The following CNTN6 variants were observed in gnomAD, a reference collection of about 807,000 sequenced individuals.
CNTN6 encodes contactin-6.
A neutral mutation model predicts 122.8 loss-of-function variants in CNTN6; 137 were observed. That is an observed-to-expected ratio of 1.12 (90% CI 0.97 to 1.29). The LOEUF (loss-of-function observed/expected upper bound fraction) is 1.29. CNTN6 is among the 50% of genes most tolerant of loss of function. CNTN6 has a pLI of 0.00. For synonymous variants in CNTN6, 570 were observed against 426.0 expected (o/e 1.34, Z -4.16); for missense variants, 1,634 against 1,223.4 (o/e 1.34, Z -5.01).
chr3:1,253,727 G>A (rs938682636), intron 4 of CNTN6, among the ~76,000 whole-genome samples: 45 of 152,172 alleles, frequency 3.0e-4, no homozygotes, highest in African/African-American at 1.0e-3. Flanking sequence ...ATCTAACACC[G>A]CTGTTGATCT....
At chr3:1,334,149 G>T (rs752180125) in intron 11 of CNTN6, among the ~76,000 whole-genome samples, 20 of 152,232 alleles carry the variant, frequency 1.3e-4, no homozygotes, top group Non-Finnish European at 2.2e-4. Context: ...TACAGAGTCC[G>T]AAGACTGCCT....
At chr3:1,188,650 A>G (rs1256190114) in intron 2 of CNTN6, among the ~76,000 whole-genome samples, 1 of 152,194 alleles carries the variant, frequency 6.6e-6, no homozygotes, top group Non-Finnish European at 1.5e-5. Context: ...AATAATTAAC[A>G]CTGTAATATC....
At chr3:1,121,129 A>G (rs1261444949) in intron 1 of CNTN6, among the ~76,000 whole-genome samples, 2 of 152,080 alleles carry the variant, frequency 1.3e-5, no homozygotes, top group African/African-American at 4.8e-5. Flanking sequence ...GTGTGCAGTT[A>G]CTGGCCTCTT....
At chr3:1,323,375 T>A (rs1379795926) in intron 8 of CNTN6, among the ~76,000 whole-genome samples, 4 of 151,756 alleles carry the variant, frequency 2.6e-5, no homozygotes, top group Non-Finnish European at 5.9e-5. Flanking sequence ...TTGTACTATA[T>A]CTCACCACAA....
intron 4 of CNTN6, among the ~76,000 whole-genome samples, chr3:1,231,142 A>G (rs1301028559): frequency 5.9e-5 from 9 of 152,154 alleles, no homozygotes; most frequent in Non-Finnish European, 1.2e-4. Context: ...AATAAATCAT[A>G]TGCACTTGAA....
intron 2 of CNTN6, among the ~76,000 whole-genome samples, chr3:1,217,411 T>C (rs1026577953): frequency 2.0e-5 from 3 of 152,218 alleles, no homozygotes; most frequent in Admixed American, 2.0e-4. Context: ...TGCATTGCAC[T>C]GGAGGGGAGA....
intron 1 of CNTN6, 130 bp downstream of exon 1, chr3:1,093,250 G>A (rs1427817550): frequency 5.6e-6 from 1 of 177,120 alleles, no homozygotes; most frequent in African/African-American, 2.4e-5. Flanking sequence ...TGGGGGAGAA[G>A]TCACTGCTTT....
rs1696044367 is a variant in CNTN6, at chr3:1,404,062, A to G, written c.*644A>G. ...AATGATGGGAAATGAGCACCCACCT[A>G]AAATAATCTTCTAACAACTCTGGTA... On this transcript the variant is annotated 3_prime_UTR_variant, in exon 23 of 23. Transcript: ENST00000446702. 1 of 152,138 alleles carries G rather than the reference A, an allele frequency of 6.6e-6. No individual in the cohort carries two copies. Among genetic ancestry groups the G allele is most frequent in the African/African-American group, 2.4e-5 (1 of 41,450 alleles). 9.4% of individuals were successfully genotyped at this position (152,138 alleles called of 1,614,324 possible). A position where few individuals can be genotyped will look rare whatever the true frequency, so the allele number is the denominator to read the frequency against.
chr3:1,328,032 G>A (rs547539165), intron 10 of CNTN6, among the ~76,000 whole-genome samples: 21 of 151,914 alleles, frequency 1.4e-4, no homozygotes, highest in Admixed American at 1.1e-3. Context: ...CTTCCCTTCA[G>A]CATCAAAGCC....
chr3:1,396,437 G>C (rs1694994508), intron 20 of CNTN6, among the ~76,000 whole-genome samples: 1 of 152,188 alleles, frequency 6.6e-6, no homozygotes, highest in African/African-American at 2.4e-5. Context: ...AGAGAGAATT[G>C]TGGATATGGA....
chr3:1,255,318 A>G (rs1033998688), intron 4 of CNTN6, among the ~76,000 whole-genome samples: 1 of 152,058 alleles, frequency 6.6e-6, no homozygotes, highest in South Asian at 2.1e-4. Flanking sequence ...TCACTCTCCC[A>G]TGGTGATATG....
intron 2 of CNTN6, among the ~76,000 whole-genome samples, chr3:1,176,649 G>T (rs2093455027): frequency 6.6e-6 from 1 of 152,078 alleles, no homozygotes; most frequent in South Asian, 2.1e-4. Flanking sequence ...ATATCTACAG[G>T]TATCATAACA....
intron 1 of CNTN6, among the ~76,000 whole-genome samples, chr3:1,114,675 G>A (rs1213986377): frequency 6.6e-6 from 1 of 152,130 alleles, no homozygotes; most frequent in African/African-American, 2.4e-5. Flanking sequence ...ATTGATGATG[G>A]TCAAGGAAGA....
At chr3:1,232,845 A>T (rs1559560756) in intron 4 of CNTN6, among the ~76,000 whole-genome samples, 2 of 152,236 alleles carry the variant, frequency 1.3e-5, no homozygotes, top group Admixed American at 1.3e-4. Context: ...TGGGGCTTGC[A>T]TTGAACCTTG....
rs75469127 is a variant in CNTN6, at chr3:1,276,336, G to A, written c.359-2077G>A. 2.8e-3 allele frequency among the ~76,000 whole-genome samples: 425 copies of A among 152,210 alleles called. 3 individuals carry two copies. Among genetic ancestry groups the A allele is most frequent in the African/African-American group, 9.1e-3 (379 of 41,534 alleles). ...AAGAACATGACACTAAGAATGTTCC[G>A]AGTCAAACCATTTAGATTTGACGTA... On this transcript the variant is annotated intron_variant, in intron 4 of 22. Coordinates refer to ENST00000446702, the MANE Select transcript of CNTN6 (RefSeq NM_001289080.2).
At chr3:1,313,968 T>A (rs1699755946) in intron 7 of CNTN6, among the ~76,000 whole-genome samples, 1 of 152,222 alleles carries the variant, frequency 6.6e-6, no homozygotes, top group South Asian at 2.1e-4. Context: ...TCTATCTTCA[T>A]GTCATAGTCC....
intron 1 of CNTN6, among the ~76,000 whole-genome samples, chr3:1,130,198 C>G (rs534864435): frequency 5.9e-5 from 9 of 152,120 alleles, no homozygotes; most frequent in Non-Finnish European, 1.2e-4. Flanking sequence ...TATTTCAAGG[C>G]CAATTTCTAA....
intron 20 of CNTN6, among the ~76,000 whole-genome samples, chr3:1,390,066 G>C (rs1296663527): frequency 1.3e-5 from 2 of 151,976 alleles, no homozygotes; most frequent in African/African-American, 4.8e-5. Flanking sequence ...GGACCTAATA[G>C]ACATCTACAG....
At chr3:1,237,664 C>A (rs1218978791) in intron 4 of CNTN6, among the ~76,000 whole-genome samples, 1 of 152,068 alleles carries the variant, frequency 6.6e-6, no homozygotes, top group Admixed American at 6.5e-5. Context: ...CATCAGGTAA[C>A]CTATAAAGGA....
Sources: allele counts gnomAD v4.1 joint callset (sites outside exome capture counted in the v4.1 genomes callset), GRCh38; gene constraint gnomAD v4.1.1; transcripts MANE v1.5; gene names NCBI Gene and HGNC (gene_info 2026-07-23, HGNC 2026-07-21).